SGCZ: variants seen among roughly 807,000 people sequenced by gnomAD.
SGCZ encodes zeta-sarcoglycan.
A neutral mutation model predicts 41.3 loss-of-function variants in SGCZ; 40 were observed. The ratio of observed to expected loss-of-function variants is 0.97; its 90% confidence interval spans 0.75 to 1.26. The LOEUF is 1.26. Ranked by LOEUF, SGCZ falls within the 50% of genes most tolerant of loss-of-function variation. SGCZ has a pLI of 0.00. For missense variants in SGCZ, 552 were observed against 369.8 expected (o/e 1.49, Z -4.04); for synonymous variants, 206 against 137.5 (o/e 1.50, Z -3.49).
chr8:14,587,840 G>A (rs1221868037), intron 1 of SGCZ, among the ~76,000 whole-genome samples: 3 of 152,016 alleles, frequency 2.0e-5, no homozygotes, highest in Non-Finnish European at 2.9e-5. Flanking sequence ...TCAGCAAATA[G>A]TTTTGCTATT....
chr8:14,133,562 T>C (rs898603284), intron 5 of SGCZ, among the ~76,000 whole-genome samples: 8 of 152,164 alleles, frequency 5.3e-5, no homozygotes, highest in African/African-American at 1.9e-4. Context: ...AGAACACTAA[T>C]TGTTGGTGTC....
At chr8:14,544,257 G>T (rs1456504740) in intron 2 of SGCZ, among the ~76,000 whole-genome samples, 1 of 152,076 alleles carries the variant, frequency 6.6e-6, no homozygotes, top group Non-Finnish European at 1.5e-5. Context: ...ATCTTCATAA[G>T]CTGAGGATGT....
chr8:15,143,122 G>A (rs1225379366), intron 1 of SGCZ, among the ~76,000 whole-genome samples: 1 of 152,136 alleles, frequency 6.6e-6, no homozygotes, highest in Non-Finnish European at 1.5e-5. Context: ...TGTGGATAAT[G>A]TCAGAATAAT....
chr8:14,137,704 T>C (rs564831536), intron 5 of SGCZ, among the ~76,000 whole-genome samples: 28 of 152,208 alleles, frequency 1.8e-4, no homozygotes, highest in South Asian at 2.1e-4. Context: ...CTACGTCTGA[T>C]TGGTGTACCT....
chr8:15,110,944 G>A (rs946496360), intron 1 of SGCZ, among the ~76,000 whole-genome samples: 1 of 151,212 alleles, frequency 6.6e-6, no homozygotes, highest in African/African-American at 2.4e-5. Flanking sequence ...CTCCAGTCTG[G>A]GCAAAAAAAA....
chr8:15,045,555 A>C (rs1401496135), intron 1 of SGCZ, among the ~76,000 whole-genome samples: 1 of 152,100 alleles, frequency 6.6e-6, no homozygotes, highest in Non-Finnish European at 1.5e-5. Context: ...TAGACCAGTG[A>C]TAAAGTAGTT....
intron 2 of SGCZ, among the ~76,000 whole-genome samples, chr8:14,404,465 C>T (rs1303730085): frequency 6.6e-6 from 1 of 152,124 alleles, no homozygotes; most frequent in African/African-American, 2.4e-5. Flanking sequence ...ATAATCTTTT[C>T]ACACTTTGAA....
intron 3 of SGCZ, among the ~76,000 whole-genome samples, chr8:14,318,940 C>CAA (rs72034233): frequency 3.5e-4 from 51 of 147,694 alleles, no homozygotes; most frequent in East Asian, 1.4e-3. Context: ...CACTATTATA[C>CAA]AAAAAAAAAT....
chr8:14,761,913 A>T (rs1365976259), intron 1 of SGCZ, among the ~76,000 whole-genome samples: 1 of 152,112 alleles, frequency 6.6e-6, no homozygotes, highest in African/African-American at 2.4e-5. Flanking sequence ...GTCCTGAGGA[A>T]ACCACCTTTC....
intron 1 of SGCZ, among the ~76,000 whole-genome samples, chr8:15,022,185 T>A (rs1803275933): frequency 6.6e-6 from 1 of 152,174 alleles, no homozygotes; most frequent in South Asian, 2.1e-4. Flanking sequence ...CTGGAATTTG[T>A]TTATTTATAC....
At chr8:14,376,920 T>A (rs949620152) in intron 2 of SGCZ, among the ~76,000 whole-genome samples, 7 of 152,150 alleles carry the variant, frequency 4.6e-5, no homozygotes, top group African/African-American at 1.7e-4. Context: ...TAATAAGAAA[T>A]ACATATTTAG....
chr8:14,328,202 T>G (rs1802192120), intron 2 of SGCZ, among the ~76,000 whole-genome samples: 1 of 152,200 alleles, frequency 6.6e-6, no homozygotes, highest in African/African-American at 2.4e-5. Flanking sequence ...CAGTAACTAT[T>G]TATGAGTTGA....
chr8:15,182,649 G>C (rs760805357), intron 1 of SGCZ, among the ~76,000 whole-genome samples: 15 of 152,118 alleles, frequency 9.9e-5, no homozygotes, highest in Non-Finnish European at 1.9e-4. Flanking sequence ...CCCTGGGTGA[G>C]TCTCAGTGAG....
At chr8:14,875,673 G>A (rs1029201041) in intron 1 of SGCZ, among the ~76,000 whole-genome samples, 1 of 152,124 alleles carries the variant, frequency 6.6e-6, no homozygotes, top group Non-Finnish European at 1.5e-5. Context: ...TTCCTTCCAG[G>A]TCAAGACATT....
In SGCZ at chr8:14,483,003, A is replaced by AT. The variant is rs1563358481; in HGVS notation, c.234+71728_234+71729insA. Among the ~76,000 whole-genome samples the AT allele has an allele frequency of 7.9e-5, 12 of 152,036 alleles. 1 individual carries two copies. The highest frequency in any genetic ancestry group is 3.9e-4 in the Admixed American group (6 of 15,280). On this transcript the variant is annotated intron_variant, in intron 2 of 7. Coordinates refer to ENST00000382080, the MANE Select transcript of SGCZ (RefSeq NM_139167.4). ...ATATATCTTTATACACACACACACA[A>AT]ACACATATCCTATTGCTTCTGTTTT...
chr8:14,974,360 A>G (rs564733021), intron 1 of SGCZ, among the ~76,000 whole-genome samples: 1 of 152,332 alleles, frequency 6.6e-6, no homozygotes, highest in East Asian at 1.9e-4. Flanking sequence ...TTGACCAGGA[A>G]GTTCAGAATC....
At chr8:14,805,486 C>T (rs1490677364) in intron 1 of SGCZ, among the ~76,000 whole-genome samples, 5 of 134,420 alleles carry the variant, frequency 3.7e-5, no homozygotes, top group African/African-American at 1.3e-4. Context: ...ACAAAGAAGG[C>T]CATTACATAA....
chr8:14,543,075 G>A (rs111488249), intron 2 of SGCZ, among the ~76,000 whole-genome samples: 1 of 151,690 alleles, frequency 6.6e-6, no homozygotes, highest in Admixed American at 6.6e-5. Flanking sequence ...TGTCTGTTCT[G>A]CTTGGATATT....
intron 4 of SGCZ, among the ~76,000 whole-genome samples, chr8:14,176,114 T>C (rs1451999360): frequency 1.3e-5 from 2 of 152,154 alleles, no homozygotes; most frequent in Non-Finnish European, 2.9e-5. Context: ...GATTATAAAA[T>C]GCTTTCTCAG....
Sources: gnomAD v4.1 joint callset for allele counts (sites outside exome capture counted in the v4.1 genomes callset) on GRCh38, gnomAD v4.1.1 for gene constraint, MANE v1.5 for transcripts, NCBI Gene and HGNC (gene_info 2026-07-23, HGNC 2026-07-21) for gene names.